The following GPC5 variants were observed in gnomAD, a reference collection of about 807,000 sequenced individuals.
GPC5 encodes glypican-5.
Under a neutral mutation model 53.9 loss-of-function variants are expected in GPC5, and 47 were observed. The observed-to-expected ratio is 0.87, with a 90% CI of 0.69 to 1.11. GPC5 has a LOEUF of 1.11. Among genes scored for constraint, GPC5 ranks in the 50% most tolerant of loss-of-function variants. GPC5 has a pLI of 0.00. For synonymous variants in GPC5, 286 were observed against 263.3 expected, an observed-to-expected ratio of 1.09 and a Z score of -0.84; for missense variants, 748 against 713.1, an observed-to-expected ratio of 1.05 and a Z score of -0.56.
rs531084208 is a variant in GPC5, at chr13:92,278,880, G to A, written c.1561+133891G>A. Among the ~76,000 whole-genome samples, 160 of 152,024 alleles carry A rather than the reference G, an allele frequency of 1.1e-3. 1 individual carries two copies. Among genetic ancestry groups the A allele is most frequent in the African/African-American group, 3.5e-3 (147 of 41,522 alleles). ...TCTGGACTCTCAATTCTATTCCATT[G>A]GTCTATATGTCTATCCTTCTGCTAG... On this transcript the variant is annotated intron_variant, in intron 7 of 7. Coordinates refer to ENST00000377067, the MANE Select transcript of GPC5 (RefSeq NM_004466.6).
intron 7 of GPC5, among the ~76,000 whole-genome samples, chr13:92,203,086 T>C (rs1318109163): frequency 6.6e-6 from 1 of 152,212 alleles, no homozygotes; most frequent in African/African-American, 2.4e-5. Flanking sequence ...AAACTGGATG[T>C]GGAGCCCAGA....
At chr13:91,427,227 G>A (rs982957364) in intron 1 of GPC5, among the ~76,000 whole-genome samples, 2 of 152,168 alleles carry the variant, frequency 1.3e-5, no homozygotes, top group African/African-American at 4.8e-5. Context: ...CTAGACCCTG[G>A]AATGGTAGAT....
chr13:92,104,402 T>C (rs377524823), intron 6 of GPC5, among the ~76,000 whole-genome samples: 3 of 152,232 alleles, frequency 2.0e-5, no homozygotes, highest in African/African-American at 7.2e-5. Flanking sequence ...TTTTTCCCAG[T>C]ATTCTCTTTG....
At chr13:91,556,522 G>GTATATATA (rs202160698) in intron 2 of GPC5, among the ~76,000 whole-genome samples, 32 of 147,512 alleles carry the variant, frequency 2.2e-4, no homozygotes, top group African/African-American at 7.5e-4. Context: ...TGCAGTATGT[G>GTATATATA]TATATATATA....
At chr13:91,570,533 C>G (rs978074180) in intron 2 of GPC5, among the ~76,000 whole-genome samples, 12 of 152,056 alleles carry the variant, frequency 7.9e-5, no homozygotes, top group African/African-American at 2.9e-4. Context: ...TTAATGGGTG[C>G]CTATGATTAT....
At chr13:91,921,185 C>T (rs369883100) in intron 6 of GPC5, among the ~76,000 whole-genome samples, 1 of 151,980 alleles carries the variant, frequency 6.6e-6, no homozygotes, top group African/African-American at 2.4e-5. Flanking sequence ...GATTCATCTG[C>T]CTCGGCCTCC....
At chr13:92,403,141 T>C (rs1566575956) in intron 7 of GPC5, among the ~76,000 whole-genome samples, 1 of 152,222 alleles carries the variant, frequency 6.6e-6, no homozygotes, top group East Asian at 1.9e-4. Flanking sequence ...TTCTATGCTA[T>C]TAAATTTGCA....
intron 5 of GPC5, among the ~76,000 whole-genome samples, chr13:91,897,819 G>A (rs1421540234): frequency 2.6e-5 from 4 of 151,992 alleles, no homozygotes; most frequent in Non-Finnish European, 5.9e-5. Flanking sequence ...TGCTGGTAAA[G>A]TGCTCCCCCA....
At chr13:92,336,035 T>C (rs773867077) in intron 7 of GPC5, among the ~76,000 whole-genome samples, 10 of 152,134 alleles carry the variant, frequency 6.6e-5, no homozygotes, top group Admixed American at 1.3e-4. Flanking sequence ...CAGTGGGCAA[T>C]TTGGAGTATA....
chr13:91,643,074 T>G (rs909679778), intron 2 of GPC5, among the ~76,000 whole-genome samples: 1 of 152,110 alleles, frequency 6.6e-6, no homozygotes, highest in Non-Finnish European at 1.5e-5. Context: ...CCGCTAGCAG[T>G]ATACCATAGG....
Position 92,324,418 on chromosome 13 carries a change from A to G in GPC5, c.1561+179429A>G, listed in dbSNP as rs374686729. Among the ~76,000 whole-genome samples the G allele has an allele frequency of 4.7e-4, 72 of 152,058 alleles. 1 individual carries two copies. Among genetic ancestry groups the G allele is most frequent in the African/African-American group, 1.5e-3 (64 of 41,546 alleles). On this transcript the variant is annotated intron_variant, in intron 7 of 7. Transcript: ENST00000377067. Reference sequence around the variant, plus strand: ...GGTGAGGGATAAAGTACATTTTTCTAGAAACACATTTGCTTTCTGTTTTAT... The same window carrying G: ...GGTGAGGGATAAAGTACATTTTTCTGGAAACACATTTGCTTTCTGTTTTAT...
chr13:91,810,469 A>G (rs972566829), intron 5 of GPC5, among the ~76,000 whole-genome samples: 1 of 151,996 alleles, frequency 6.6e-6, no homozygotes, highest in African/African-American at 2.4e-5. Flanking sequence ...AAACTCTTCA[A>G]TTATGTAGTC....
Position 91,714,749 on chromosome 13 carries a change from T to TA in GPC5, c.1021-13772dup, listed in dbSNP as rs554538594. Among the ~76,000 whole-genome samples the TA allele has an allele frequency of 4.0e-3, 585 of 146,330 alleles. 5 individuals carry two copies. Among genetic ancestry groups the TA allele is most frequent in the African/African-American group, 0.011 (462 of 40,262 alleles). On this transcript the variant is annotated intron_variant, in intron 3 of 7. Transcript: ENST00000377067. ...AAATAATAGGAAAAGTCTATGGCATTAAAAAAAAAAATGAGAACCCAGTGA... is the reference window on the plus strand; with the variant it reads ...AAATAATAGGAAAAGTCTATGGCATTAAAAAAAAAAAATGAGAACCCAGTGA...
In GPC5 at chr13:91,532,573, G is replaced by T. The variant is rs944967552; in HGVS notation, c.325+83651G>T. 3.9e-5 allele frequency among the ~76,000 whole-genome samples: 6 copies of T among 152,172 alleles called. No homozygotes were observed. In the South Asian group the frequency reaches 8.3e-4, roughly 21 times the overall value. ...GGTAAGGAAAAATAAATGATGAAAT[G>T]ATGCAAAGTAGGCCGGGCACAGTGG... On this transcript the variant is annotated intron_variant, in intron 2 of 7. Transcript: ENST00000377067.
intron 7 of GPC5, among the ~76,000 whole-genome samples, chr13:92,576,089 G>A (rs1045941901): frequency 2.6e-5 from 4 of 152,162 alleles, no homozygotes; most frequent in Non-Finnish European, 5.9e-5. Context: ...CACTGGCATT[G>A]TTTCACAAAA....
intron 7 of GPC5, among the ~76,000 whole-genome samples, chr13:92,704,806 CACATATATATACTT>C (rs1594436573): frequency 6.7e-6 from 1 of 148,866 alleles, no homozygotes; most frequent in Admixed American, 6.8e-5. Flanking sequence ...TATACACACA[CACATATATATACTT>C]ACATATATAT....
intron 1 of GPC5, among the ~76,000 whole-genome samples, chr13:91,405,228 G>T (rs1342786763): frequency 5.3e-5 from 8 of 152,130 alleles, no homozygotes. Context: ...ATTGACATTG[G>T]GGGATTGGCA....
intron 5 of GPC5, among the ~76,000 whole-genome samples, chr13:91,808,302 A>T (rs940252063): frequency 6.6e-6 from 1 of 152,162 alleles, no homozygotes; most frequent in Non-Finnish European, 1.5e-5. Context: ...AAGACAGTAG[A>T]GAGTACCAAT....
At chr13:91,931,767 C>G (rs549485044) in intron 6 of GPC5, among the ~76,000 whole-genome samples, 2 of 152,014 alleles carry the variant, frequency 1.3e-5, no homozygotes, top group Admixed American at 6.6e-5. Flanking sequence ...TGCTTCAGCC[C>G]CAAATTCACG....
Sources: allele counts gnomAD v4.1 joint callset (sites outside exome capture counted in the v4.1 genomes callset), GRCh38; gene constraint gnomAD v4.1.1; transcripts MANE v1.5; gene names NCBI Gene and HGNC (gene_info 2026-07-23, HGNC 2026-07-21).